ICA1L: variants seen among roughly 807,000 people sequenced by gnomAD.
The protein encoded by ICA1L is islet cell autoantigen 1 like.
ICA1L carries 50 observed loss-of-function variants against 61.3 expected under a neutral mutation model. That is an observed-to-expected ratio of 0.82 (90% CI 0.65 to 1.03). The LOEUF is 1.03. Ranked by LOEUF, ICA1L falls within the 50% of genes least tolerant of loss-of-function variation. The pLI is 0.00. For missense variants in ICA1L, 508 were observed against 556.7 expected (o/e 0.91, Z 0.88); for synonymous variants, 161 against 191.3 (o/e 0.84, Z 1.31).
intron 6 of ICA1L, among the ~76,000 whole-genome samples, chr2:202,816,374 G>A (rs988474474): frequency 5.3e-5 from 8 of 152,306 alleles, no homozygotes; most frequent in African/African-American, 1.7e-4. Context: ...AGGAACATAT[G>A]TGTAATCTTT....
In ICA1L at chr2:202,774,253, G is replaced by C. The variant is rs1574313339; in HGVS notation, c.*5280C>G. On this transcript the variant is annotated 3_prime_UTR_variant, in exon 13 of 13. Coordinates refer to ENST00000358299, the MANE Select transcript of ICA1L (RefSeq NM_001288622.3). ...GCTCCTGAGTCTTCTCGCTCCTGTC[G>C]GCCAAAGGCCGTGACCCCGACGCGT... 1.3e-4 allele frequency: 206 copies of C among 1,545,386 alleles called. 4 individuals are homozygous for C. In the South Asian group the frequency reaches 2.4e-3, roughly 18 times the overall value.
chr2:202,811,382 C>T (rs115400054), intron 9 of ICA1L, among the ~76,000 whole-genome samples: 12,563 of 151,998 alleles, frequency 0.083, 686 homozygotes, highest in Non-Finnish European at 0.12. Context: ...AGGCTGGGCG[C>T]GGTGGCTCAC....
At chr2:202,868,053 G>T (rs755266541) in intron 1 of ICA1L, among the ~76,000 whole-genome samples, 1 of 152,062 alleles carries the variant, frequency 6.6e-6, no homozygotes, top group Non-Finnish European at 1.5e-5. Context: ...TTTTTATGGG[G>T]TGATGAAAAA....
At chr2:202,799,086 C>T (rs566656287) in intron 9 of ICA1L, among the ~76,000 whole-genome samples, 1 of 152,268 alleles carries the variant, frequency 6.6e-6, no homozygotes, top group African/African-American at 2.4e-5. Flanking sequence ...AATAATCGTG[C>T]AAGTGCAGGT....
chr2:202,810,535 C>T (rs1252842544), intron 9 of ICA1L, among the ~76,000 whole-genome samples: 1 of 152,120 alleles, frequency 6.6e-6, no homozygotes, highest in African/African-American at 2.4e-5. Context: ...CCTCAGGACC[C>T]TGTGATGATT....
chr2:202,776,322 T>TA lies in ICA1L; in HGVS notation c.*3210dup, dbSNP rs1177488553. The TA allele has an allele frequency of 3.3e-5, 5 of 151,912 alleles. No homozygotes were observed. Among genetic ancestry groups the TA allele is most frequent in the Non-Finnish European group, 7.3e-5 (5 of 68,034 alleles). 9.4% of individuals were successfully genotyped at this position (151,912 alleles called of 1,614,324 possible). A position where few individuals can be genotyped will look rare whatever the true frequency, so the allele number is the denominator to read the frequency against. On this transcript the variant is annotated 3_prime_UTR_variant, in exon 13 of 13. Transcript: ENST00000358299. The stretch of plus-strand genomic sequence containing the variant: ...AAAGTTTAGCTCGTCTGGTTTTTTT[T>TA]AGACTTAAAACACATTTTTATCCAG...
intron 1 of ICA1L, among the ~76,000 whole-genome samples, chr2:202,864,647 G>GTGTGTGTGTGTATA (rs1553539143): frequency 6.7e-6 from 1 of 148,652 alleles, no homozygotes; most frequent in African/African-American, 2.6e-5. Flanking sequence ...GTGTGTGTGT[G>GTGTGTGTGTGTATA]TATATATATA....
intron 1 of ICA1L, among the ~76,000 whole-genome samples, chr2:202,834,014 T>C (rs72932786): frequency 0.09 from 13,685 of 152,198 alleles, 748 homozygotes; most frequent in Non-Finnish European, 0.12. Flanking sequence ...TTAATAACAA[T>C]GTATTATATT....
rs1056427085 is a variant in ICA1L at position 202,773,609 on chromosome 2, T to C, written c.*5924A>G. 5.1e-6 allele frequency: 3 copies of C among 587,944 alleles called. No homozygotes were observed. Among genetic ancestry groups the C allele is most frequent in the East Asian group, 3.0e-5 (1 of 33,668 alleles). The allele number at this position is 587,944 out of a possible 1,614,324, so 36.4% of individuals were successfully genotyped here. A position where few individuals can be genotyped will look rare whatever the true frequency, so the allele number is the denominator to read the frequency against. ...GCCGTCCACAGTCCTAAGCCTGATATGCTCAAAGCAAAGCCTCTTTCCCAC... is the reference window on the plus strand; with the variant it reads ...GCCGTCCACAGTCCTAAGCCTGATACGCTCAAAGCAAAGCCTCTTTCCCAC... On this transcript the variant is annotated 3_prime_UTR_variant, in exon 13 of 13. Coordinates refer to ENST00000358299, the MANE Select transcript of ICA1L (RefSeq NM_001288622.3).
chr2:202,797,685 C>A (rs1692972806), intron 9 of ICA1L, among the ~76,000 whole-genome samples: 1 of 152,098 alleles, frequency 6.6e-6, no homozygotes, highest in Non-Finnish European at 1.5e-5. Context: ...CCACACCTGG[C>A]TAATTTTTAT....
At chr2:202,840,073 ATTT>A (rs532184078) in intron 1 of ICA1L, among the ~76,000 whole-genome samples, 1 of 95,194 alleles carries the variant, frequency 1.1e-5, no homozygotes, top group Non-Finnish European at 2.1e-5. Context: ...TTAATTTTTA[ATTT>A]TTTTTTTTTT....
intron 12 of ICA1L, among the ~76,000 whole-genome samples, chr2:202,784,585 A>G (rs1382641700): frequency 1.3e-5 from 2 of 152,224 alleles, no homozygotes; most frequent in African/African-American, 2.4e-5. Flanking sequence ...AATGTGATCC[A>G]TGGATCAACA....
chr2:202,860,939 G>A (rs546405311), intron 1 of ICA1L, among the ~76,000 whole-genome samples: 4 of 151,608 alleles, frequency 2.6e-5, no homozygotes, highest in African/African-American at 9.7e-5. Context: ...TTATCAAGAA[G>A]ACATAGCAGG....
At chr2:202,786,474 G>A (rs565602861) in intron 11 of ICA1L, among the ~76,000 whole-genome samples, 120 of 152,170 alleles carry the variant, frequency 7.9e-4, no homozygotes, top group Middle Eastern at 3.4e-3. Flanking sequence ...GCGTGAACCC[G>A]GGAAGCGGAG....
chr2:202,811,366 T>G (rs1225631824), intron 9 of ICA1L, among the ~76,000 whole-genome samples: 12 of 151,918 alleles, frequency 7.9e-5, no homozygotes. Flanking sequence ...AAACAAAAGT[T>G]GATGGAGGCT....
rs1297431916 is a variant in ICA1L, at chr2:202,796,909, C to A, written c.966G>T (p.Gln322His). The A allele has an allele frequency of 3.1e-6, 5 of 1,595,922 alleles. No individual in the cohort carries two copies. In the East Asian group the frequency reaches 1.1e-4, roughly 36 times the overall value. Reference protein sequence around the residue: ...HSQMREFGAPQFSNSENVAKD... With the variant: ...HSQMREFGAPHFSNSENVAKD... ...TCTTACCATTTTCAGAGTTAGAAAACTGAGGTGCTCCAAATTCTCTCATTT... is the reference window on the plus strand; with the variant it reads ...TCTTACCATTTTCAGAGTTAGAAAAATGAGGTGCTCCAAATTCTCTCATTT... The change falls in exon 10 of 13, where the codon CAG becomes CAT. Residue 322 changes from glutamine (Q) to histidine (H), a missense_variant. Coordinates refer to ENST00000358299, the MANE Select transcript of ICA1L (RefSeq NM_001288622.3).
intron 9 of ICA1L, 105 bp from the exon 10 acceptor site, chr2:202,797,069 G>A: frequency 1.6e-6 from 1 of 606,792 alleles, no homozygotes; most frequent in South Asian, 2.4e-5. Context: ...GACCAAATCA[G>A]AATCGAAAAC....
chr2:202,855,213 A>G (rs1694735757), intron 1 of ICA1L, among the ~76,000 whole-genome samples: 1 of 152,202 alleles, frequency 6.6e-6, no homozygotes, highest in Admixed American at 6.5e-5. Context: ...TCTAAAATCG[A>G]CACCCTAACA....
chr2:202,774,263 C>G lies in ICA1L; in HGVS notation c.*5270G>C, dbSNP rs558954797. 6.1e-4 allele frequency: 940 copies of G among 1,545,664 alleles called. 8 individuals are homozygous for G. The African/African-American group carries it at 0.012, about 20-fold the overall frequency. ...CTTCTCGCTCCTGTCGGCCAAAGGCCGTGACCCCGACGCGTGCAGGCACCT... is the reference window on the plus strand; with the variant it reads ...CTTCTCGCTCCTGTCGGCCAAAGGCGGTGACCCCGACGCGTGCAGGCACCT... On this transcript the variant is annotated 3_prime_UTR_variant, in exon 13 of 13. Coordinates refer to ENST00000358299, the MANE Select transcript of ICA1L (RefSeq NM_001288622.3).
Sources: allele counts gnomAD v4.1 joint callset (sites outside exome capture counted in the v4.1 genomes callset), GRCh38; gene constraint gnomAD v4.1.1; transcripts MANE v1.5; gene names NCBI Gene and HGNC (gene_info 2026-07-23, HGNC 2026-07-21).